CLIC4: variants seen among roughly 807,000 people sequenced by gnomAD.
CLIC4 encodes chloride intracellular channel protein 4.
A neutral mutation model predicts 24.6 loss-of-function variants in CLIC4; 13 were observed. The observed-to-expected ratio is 0.53, with a 90% CI of 0.34 to 0.84. CLIC4 has a LOEUF of 0.84. CLIC4 is among the 40% of genes least tolerant of loss of function. The pLI is 0.01. For missense variants in CLIC4, 227 were observed against 301.7 expected (o/e 0.75, Z 1.83); for synonymous variants, 104 against 111.3 (o/e 0.93, Z 0.41).
At chr1:24,785,527 C>G (rs1313553656) in intron 1 of CLIC4, among the ~76,000 whole-genome samples, 1 of 152,118 alleles carries the variant, frequency 6.6e-6, no homozygotes, top group Non-Finnish European at 1.5e-5. Context: ...AGCTAGACTC[C>G]AAACTTGGTT....
At chr1:24,777,124 G>T (rs1044421921) in intron 1 of CLIC4, among the ~76,000 whole-genome samples, 1 of 152,168 alleles carries the variant, frequency 6.6e-6, no homozygotes, top group African/African-American at 2.4e-5. Context: ...GCATGTGTGT[G>T]TGTATTTTGT....
At chr1:24,798,700 T>C (rs1012559428) in intron 2 of CLIC4, among the ~76,000 whole-genome samples, 2 of 151,482 alleles carry the variant, frequency 1.3e-5, no homozygotes, top group Admixed American at 6.6e-5. Flanking sequence ...CTCCCTCTCA[T>C]GCGGAGCCGA....
chr1:24,757,261 C>T (rs1428312597), intron 1 of CLIC4, among the ~76,000 whole-genome samples: 1 of 152,090 alleles, frequency 6.6e-6, no homozygotes, highest in Non-Finnish European at 1.5e-5. Context: ...GAACTCTTGA[C>T]CTTAGGTGGT....
intron 3 of CLIC4, among the ~76,000 whole-genome samples, chr1:24,824,761 G>A (rs1304032041): frequency 6.6e-6 from 1 of 152,120 alleles, no homozygotes; most frequent in Non-Finnish European, 1.5e-5. Flanking sequence ...CACTTTGGGA[G>A]GCTGAGGCAG....
At chr1:24,752,826 G>A (rs544229804) in intron 1 of CLIC4, among the ~76,000 whole-genome samples, 1 of 152,116 alleles carries the variant, frequency 6.6e-6, no homozygotes, top group Non-Finnish European at 1.5e-5. Flanking sequence ...GGGTTCAAGC[G>A]ATTCTTCTGC....
At chr1:24,757,776 C>CT (rs950365917) in intron 1 of CLIC4, among the ~76,000 whole-genome samples, 28 of 151,118 alleles carry the variant, frequency 1.9e-4, no homozygotes, top group East Asian at 5.8e-4. Flanking sequence ...TCTTTTCTTT[C>CT]TTTTTTTTTG....
intron 2 of CLIC4, among the ~76,000 whole-genome samples, chr1:24,807,554 T>G (rs1454951482): frequency 6.6e-6 from 1 of 152,046 alleles, no homozygotes; most frequent in Non-Finnish European, 1.5e-5. Context: ...TTGGCTAATT[T>G]AAAGAGAGTC....
At chr1:24,760,556 C>A (rs1275506924) in intron 1 of CLIC4, among the ~76,000 whole-genome samples, 1 of 152,054 alleles carries the variant, frequency 6.6e-6, no homozygotes, top group Non-Finnish European at 1.5e-5. Context: ...ACTTCTCTGC[C>A]TTCATGGAAG....
chr1:24,775,305 T>C (rs1327254570), intron 1 of CLIC4, among the ~76,000 whole-genome samples: 2 of 150,232 alleles, frequency 1.3e-5, no homozygotes, highest in African/African-American at 4.9e-5. Context: ...TGAATCTGCT[T>C]GATGTTCATG....
At chr1:24,753,420 G>C (rs1638804360) in intron 1 of CLIC4, among the ~76,000 whole-genome samples, 1 of 152,178 alleles carries the variant, frequency 6.6e-6, no homozygotes, top group Non-Finnish European at 1.5e-5. Flanking sequence ...TGCTTAAAGA[G>C]TCAAGTGGGG....
intron 1 of CLIC4, among the ~76,000 whole-genome samples, chr1:24,787,090 T>G (rs1639276610): frequency 6.6e-6 from 1 of 152,168 alleles, no homozygotes. Flanking sequence ...CCTGGCTAAT[T>G]TTTTAAAATT....
At chr1:24,776,442 C>A (rs939759888) in intron 1 of CLIC4, among the ~76,000 whole-genome samples, 5 of 152,164 alleles carry the variant, frequency 3.3e-5, no homozygotes, top group African/African-American at 7.2e-5. Flanking sequence ...GAAGTTATAG[C>A]TGTTATGATA....
Position 24,814,088 on chromosome 1 carries a change from C to T in CLIC4, c.183-6C>T. Reference sequence around the variant, plus strand: ...ATCTGATTTTGACCAATATTTTGCCCAACAGGAAGCCAGCAGACCTGCAGA... The same window carrying T: ...ATCTGATTTTGACCAATATTTTGCCTAACAGGAAGCCAGCAGACCTGCAGA... On this transcript the variant is annotated splice_polypyrimidine_tract_variant and splice_region_variant and intron_variant, in intron 2 of 5. Transcript: ENST00000374379. 1 of 1,613,166 alleles carries T rather than the reference C, an allele frequency of 6.2e-7. No individual in the cohort carries two copies. Among genetic ancestry groups the T allele is most frequent in the Non-Finnish European group, 8.5e-7 (1 of 1,179,912 alleles).
chr1:24,800,543 C>G (rs1045166761), intron 2 of CLIC4, among the ~76,000 whole-genome samples: 1 of 152,164 alleles, frequency 6.6e-6, no homozygotes, highest in Non-Finnish European at 1.5e-5. Flanking sequence ...CTCTGCCTGG[C>G]CACCACCCCG....
intron 1 of CLIC4, among the ~76,000 whole-genome samples, chr1:24,752,228 C>A (rs1638784996): frequency 6.6e-6 from 1 of 152,082 alleles, no homozygotes; most frequent in Non-Finnish European, 1.5e-5. Context: ...TATATGGTTA[C>A]TGAGGGGATT....
chr1:24,839,184 C>CG (rs1359737656), intron 4 of CLIC4, among the ~76,000 whole-genome samples: 1 of 152,130 alleles, frequency 6.6e-6, no homozygotes, highest in East Asian at 1.9e-4. Context: ...AAATCTGCCT[C>CG]TAAGATTTTT....
rs574596013 is a variant in CLIC4, at chr1:24,813,504, C to T, written c.183-590C>T. ...TACATTCTCAGCTCACTGCAACCTC[C>T]GCCTCCCGGGTTCAAGTGATCCTCC... On this transcript the variant is annotated intron_variant, in intron 2 of 5. Coordinates refer to ENST00000374379, the MANE Select transcript of CLIC4 (RefSeq NM_013943.3). Among the ~76,000 whole-genome samples, 168 of 150,662 alleles carry T rather than the reference C, an allele frequency of 1.1e-3. 1 individual carries two copies. In the Middle Eastern group the frequency reaches 0.039, roughly 35 times the overall value.
At chr1:24,799,540 C>T (rs1268622469) in intron 2 of CLIC4, among the ~76,000 whole-genome samples, 2 of 151,890 alleles carry the variant, frequency 1.3e-5, no homozygotes, top group East Asian at 2.0e-4. Context: ...CGGCAGCCCC[C>T]CCATCTGGGA....
At chr1:24,762,485 C>G (rs1408769175) in intron 1 of CLIC4, among the ~76,000 whole-genome samples, 1 of 152,070 alleles carries the variant, frequency 6.6e-6, no homozygotes, top group Admixed American at 6.6e-5. Context: ...TGCCTAGAAG[C>G]AAGTTCTGAG....
Sources: gnomAD v4.1 joint callset for allele counts (sites outside exome capture counted in the v4.1 genomes callset) on GRCh38, gnomAD v4.1.1 for gene constraint, MANE v1.5 for transcripts, NCBI Gene and HGNC (gene_info 2026-07-23, HGNC 2026-07-21) for gene names.